Variants in RANBP17 observed in about 807,000 individuals in gnomAD.
The protein encoded by RANBP17 is ran-binding protein 17.
RANBP17 carries 158 observed loss-of-function variants against 141.2 expected under a neutral mutation model. That is an observed-to-expected ratio of 1.12 (90% CI 0.98 to 1.28). The LOEUF (loss-of-function observed/expected upper bound fraction) is 1.28, where lower values mean the gene tolerates loss of function less well. Among genes scored for constraint, RANBP17 ranks in the 50% most tolerant of loss-of-function variants. The pLI, the probability that RANBP17 is intolerant of heterozygous loss-of-function variation, is 0.00. For missense variants in RANBP17, 1,438 were observed against 1,290.7 expected (o/e 1.11, Z -1.75); for synonymous variants, 430 against 450.0 (o/e 0.96, Z 0.56).
chr5:171,101,076 G>A (rs1390033499), intron 14 of RANBP17, among the ~76,000 whole-genome samples: 5 of 152,326 alleles, frequency 3.3e-5, no homozygotes, highest in African/African-American at 7.2e-5. Flanking sequence ...TGTATATTCT[G>A]TTGATTTGGG....
At chr5:171,093,462 A>T (rs1263178192) in intron 14 of RANBP17, among the ~76,000 whole-genome samples, 2 of 152,190 alleles carry the variant, frequency 1.3e-5, no homozygotes, top group Admixed American at 1.3e-4. Flanking sequence ...CTTTGTAATG[A>T]TTCCTCTCTA....
intron 14 of RANBP17, among the ~76,000 whole-genome samples, chr5:171,043,675 T>C (rs956455450): frequency 1.3e-5 from 2 of 152,196 alleles, no homozygotes; most frequent in African/African-American, 4.8e-5. Context: ...GTCAGACACT[T>C]CCAATTCTCA....
chr5:171,154,938 A>ATGG (rs1177911310), intron 14 of RANBP17, among the ~76,000 whole-genome samples: 1 of 151,558 alleles, frequency 6.6e-6, no homozygotes, highest in African/African-American at 2.4e-5. Flanking sequence ...TTAGCCGGGC[A>ATGG]TGGTGGCGGG....
Position 171,265,812 on chromosome 5 carries a change from C to A in RANBP17, c.2908C>A (p.His970Asn), listed in dbSNP as rs140781656. 282 of 1,613,592 alleles carry A rather than the reference C, an allele frequency of 1.7e-4. No individual in the cohort carries two copies. Among genetic ancestry groups the A allele is most frequent in the Non-Finnish European group, 1.8e-4 (217 of 1,179,880 alleles). ...EATQAGQRLL[H>N]FMQQNPDVLQ... ...TACCCAGGCTGGTCAGAGACTATTACATTTTATGCAGCAAAACCCAGATGT... is the reference window on the plus strand; with the variant it reads ...TACCCAGGCTGGTCAGAGACTATTAAATTTTATGCAGCAAAACCCAGATGT... The change falls in exon 25 of 28, where the codon CAT becomes AAT. Residue 970 changes from histidine to asparagine, a missense_variant. His to Asn is a moderately conservative substitution (Grantham distance 68). Coordinates refer to ENST00000523189, the MANE Select transcript of RANBP17 (RefSeq NM_022897.5).
At chr5:170,926,711 CT>C (rs1772957231) in intron 12 of RANBP17, among the ~76,000 whole-genome samples, 1 of 151,418 alleles carries the variant, frequency 6.6e-6, no homozygotes, top group East Asian at 1.9e-4. Flanking sequence ...AATTAAAAAA[CT>C]TAAAATGTGT....
intron 14 of RANBP17, among the ~76,000 whole-genome samples, chr5:171,134,923 A>G (rs1757166178): frequency 6.6e-6 from 1 of 151,936 alleles, no homozygotes; most frequent in African/African-American, 2.4e-5. Flanking sequence ...TCCTGTCTCA[A>G]ATAAAATAAA....
At chr5:171,238,574 A>G (rs1266168609) in intron 22 of RANBP17, among the ~76,000 whole-genome samples, 2 of 152,168 alleles carry the variant, frequency 1.3e-5, no homozygotes, top group Non-Finnish European at 1.5e-5. Context: ...ACACAAAACC[A>G]GTGAAAATTA....
At chr5:171,203,701 G>A (rs1762425356) in intron 19 of RANBP17, among the ~76,000 whole-genome samples, 2 of 152,034 alleles carry the variant, frequency 1.3e-5, no homozygotes, top group South Asian at 4.1e-4. Context: ...TAATATTTTT[G>A]TATAACGAGG....
At chr5:170,964,288 A>G (rs891883218) in intron 13 of RANBP17, among the ~76,000 whole-genome samples, 21 of 152,210 alleles carry the variant, frequency 1.4e-4, no homozygotes, top group African/African-American at 4.1e-4. Context: ...TAATTGCAGC[A>G]TTTTGTAACA....
intron 14 of RANBP17, among the ~76,000 whole-genome samples, chr5:171,101,602 G>A (rs2127743963): frequency 6.6e-6 from 1 of 152,248 alleles, no homozygotes; most frequent in East Asian, 1.9e-4. Flanking sequence ...TACATTTAAG[G>A]TTAATATTGT....
chr5:171,211,796 T>G (rs1170557835), intron 20 of RANBP17, among the ~76,000 whole-genome samples: 1 of 152,156 alleles, frequency 6.6e-6, no homozygotes, highest in African/African-American at 2.4e-5. Context: ...CTTTTTGCAC[T>G]TTTAGGAAGC....
intron 22 of RANBP17, among the ~76,000 whole-genome samples, chr5:171,240,332 A>G (rs1764787039): frequency 6.6e-6 from 1 of 152,140 alleles, no homozygotes; most frequent in Non-Finnish European, 1.5e-5. Context: ...TTTTAAAACA[A>G]TCATCTCTTG....
At chr5:171,151,413 G>C (rs17073377) in intron 14 of RANBP17, among the ~76,000 whole-genome samples, 1 of 152,016 alleles carries the variant, frequency 6.6e-6, no homozygotes. Context: ...TTCAAGAGTC[G>C]CCTTAAATAT....
intron 14 of RANBP17, among the ~76,000 whole-genome samples, chr5:171,083,845 G>A (rs189819283): frequency 2.0e-5 from 3 of 152,214 alleles, no homozygotes; most frequent in Admixed American, 6.5e-5. Flanking sequence ...CTTGCCTGCT[G>A]CCATGTGAGA....
chr5:170,927,055 G>A (rs967688938), intron 12 of RANBP17, among the ~76,000 whole-genome samples: 5 of 152,152 alleles, frequency 3.3e-5, no homozygotes, highest in South Asian at 2.1e-4. Context: ...GTCTTTTCCT[G>A]TTAAAAGTAT....
chr5:171,002,587 T>A (rs1006377003), intron 14 of RANBP17, among the ~76,000 whole-genome samples: 1 of 152,166 alleles, frequency 6.6e-6, no homozygotes, highest in Admixed American at 6.5e-5. Context: ...AGAGTCAGTA[T>A]AAATATTGAC....
Position 171,262,684 on chromosome 5 carries a change from A to G in RANBP17, c.2777-2997A>G, listed in dbSNP as rs554803256. Among the ~76,000 whole-genome samples the G allele has an allele frequency of 2.7e-3, 405 of 152,326 alleles. 2 individuals are homozygous for G. The highest frequency in any genetic ancestry group is 9.1e-3 in the African/African-American group (379 of 41,578). ...TGCTCTTTTAGCTACTCAAAAATAT[A>G]TAACAAATTGCTCATTATAGTCACC... On this transcript the variant is annotated intron_variant, in intron 24 of 27. Coordinates refer to ENST00000523189, the MANE Select transcript of RANBP17 (RefSeq NM_022897.5).
intron 14 of RANBP17, among the ~76,000 whole-genome samples, chr5:171,002,140 A>C (rs1014187359): frequency 3.3e-5 from 5 of 152,200 alleles, no homozygotes; most frequent in African/African-American, 1.2e-4. Flanking sequence ...GAGGCGGGCT[A>C]GTGGCTTGTA....
At chr5:171,044,899 A>G (rs1258989503) in intron 14 of RANBP17, among the ~76,000 whole-genome samples, 1 of 152,110 alleles carries the variant, frequency 6.6e-6, no homozygotes, top group Admixed American at 6.5e-5. Context: ...AGTGCTGGAT[A>G]CAAAGAGTTT....
Sources: gnomAD v4.1 joint callset for allele counts (sites outside exome capture counted in the v4.1 genomes callset) on GRCh38, gnomAD v4.1.1 for gene constraint, MANE v1.5 for transcripts, NCBI Gene and HGNC (gene_info 2026-07-23, HGNC 2026-07-21) for gene names.